NTRK2: variants seen among roughly 807,000 people sequenced by gnomAD.
NTRK2 encodes BDNF/NT-3 growth factors receptor.
A neutral mutation model predicts 94.5 loss-of-function variants in NTRK2; 13 were observed. That is an observed-to-expected ratio of 0.14 (90% CI 0.09 to 0.22). NTRK2 has a LOEUF of 0.22. NTRK2 is among the 10% of genes least tolerant of loss of function. The probability of loss-of-function intolerance (pLI) is 1.00; values close to 1 mark genes in which losing one functional copy is unlikely to be tolerated. For missense variants in NTRK2, 639 were observed against 1,071.2 expected (o/e 0.60, Z 5.63); for synonymous variants, 372 against 407.4 (o/e 0.91, Z 1.05).
intron 17 of NTRK2, among the ~76,000 whole-genome samples, chr9:84,989,108 A>G (rs1177942698): frequency 6.6e-6 from 1 of 152,192 alleles, no homozygotes; most frequent in Non-Finnish European, 1.5e-5. Context: ...CAAATCACCA[A>G]ACCTCAAGAA....
At chr9:84,861,432 T>G (rs1265873042) in intron 13 of NTRK2, among the ~76,000 whole-genome samples, 1 of 152,218 alleles carries the variant, frequency 6.6e-6, no homozygotes, top group African/African-American at 2.4e-5. Flanking sequence ...GCTGACTGAA[T>G]AGTCAAGCTG....
rs142208864 is a variant in NTRK2, at chr9:84,690,211, C to A, written c.213-11948C>A. Among the ~76,000 whole-genome samples, 1,347 of 152,260 alleles carry A rather than the reference C, an allele frequency of 8.8e-3. 22 individuals carry two copies. Among genetic ancestry groups the A allele is most frequent in the East Asian group, 0.048 (251 of 5,184 alleles). Reference sequence around the variant, plus strand: ...AAAATTGTGCCAATATCAAAACAGACCTTCATAGAGATCCTAAAATTTTAC... The same window carrying A: ...AAAATTGTGCCAATATCAAAACAGAACTTCATAGAGATCCTAAAATTTTAC... On this transcript the variant is annotated intron_variant, in intron 2 of 18. Transcript: ENST00000277120.
chr9:84,825,336 C>T (rs1050429678), intron 12 of NTRK2, among the ~76,000 whole-genome samples: 3 of 152,104 alleles, frequency 2.0e-5, no homozygotes, highest in Non-Finnish European at 4.4e-5. Context: ...AGGCAACTTG[C>T]GCAGCTGAGT....
chr9:84,766,184 C>T (rs1338114502), intron 12 of NTRK2, among the ~76,000 whole-genome samples: 4 of 152,058 alleles, frequency 2.6e-5, no homozygotes, highest in African/African-American at 2.4e-5. Flanking sequence ...TGCTCTGCTA[C>T]GATGACACTG....
chr9:84,983,776 G>A (rs571975852), intron 17 of NTRK2, among the ~76,000 whole-genome samples: 2 of 152,158 alleles, frequency 1.3e-5, no homozygotes, highest in East Asian at 1.9e-4. Flanking sequence ...ATGGAGGGAC[G>A]CGATAGCTTT....
chr9:84,747,041 G>A (rs1342090155), intron 11 of NTRK2, among the ~76,000 whole-genome samples: 1 of 152,080 alleles, frequency 6.6e-6, no homozygotes, highest in Admixed American at 6.5e-5. Flanking sequence ...AACAGTATAG[G>A]GCAGAGGAAT....
At chr9:84,707,995 T>C (rs1243512052) in intron 5 of NTRK2, 83 bp downstream of exon 5, 4 of 1,063,616 alleles carry the variant, frequency 3.8e-6, no homozygotes, top group African/African-American at 3.1e-5. Flanking sequence ...ATGAGTGATG[T>C]TGCAGATCTA....
chr9:84,845,219 C>T (rs1011416189), intron 12 of NTRK2, among the ~76,000 whole-genome samples: 2 of 151,212 alleles, frequency 1.3e-5, no homozygotes, highest in Admixed American at 1.3e-4. Flanking sequence ...TGCCCATTGA[C>T]CAATGAGTGG....
In NTRK2 at chr9:84,879,729, A is replaced by G. The variant is rs78198588; in HGVS notation, c.1633+12298A>G. Among the ~76,000 whole-genome samples the G allele has an allele frequency of 4.7e-3, 711 of 152,286 alleles. 13 individuals carry two copies. The highest frequency in any genetic ancestry group is 0.038 in the Admixed American group (577 of 15,286). Reference sequence around the variant, plus strand: ...AGCCCAGTGCTGCTCATCCTTTCCAAATTAATACCCAGCAATTTTCTAACT... The same window carrying G: ...AGCCCAGTGCTGCTCATCCTTTCCAGATTAATACCCAGCAATTTTCTAACT... On this transcript the variant is annotated intron_variant, in intron 14 of 18. Coordinates refer to ENST00000277120, the MANE Select transcript of NTRK2 (RefSeq NM_006180.6).
intron 12 of NTRK2, among the ~76,000 whole-genome samples, chr9:84,763,353 C>G (rs2065758759): frequency 6.6e-6 from 1 of 151,904 alleles, no homozygotes; most frequent in Non-Finnish European, 1.5e-5. Flanking sequence ...TTTTTCCCCT[C>G]ACTGACTCTC....
intron 16 of NTRK2, among the ~76,000 whole-genome samples, chr9:84,951,962 G>A (rs1588028475): frequency 6.6e-6 from 1 of 152,090 alleles, no homozygotes; most frequent in South Asian, 2.1e-4. Flanking sequence ...AGTTAGGGTG[G>A]GAAATGAGGA....
chr9:84,819,299 A>G (rs2072627174), intron 12 of NTRK2, among the ~76,000 whole-genome samples: 1 of 152,236 alleles, frequency 6.6e-6, no homozygotes, highest in South Asian at 2.1e-4. Context: ...ATTCAGCCTC[A>G]AGTAAATTCA....
chr9:84,963,776 G>A (rs1825231859), intron 17 of NTRK2, among the ~76,000 whole-genome samples: 1 of 152,060 alleles, frequency 6.6e-6, no homozygotes, highest in Non-Finnish European at 1.5e-5. Context: ...CTGTTTCCAT[G>A]TTTTTGAATT....
intron 14 of NTRK2, among the ~76,000 whole-genome samples, chr9:84,883,429 G>T (rs1326299009): frequency 6.6e-6 from 1 of 152,166 alleles, no homozygotes; most frequent in African/African-American, 2.4e-5. Flanking sequence ...CACTCATGCG[G>T]GTTTAGGGCA....
chr9:84,702,183 A>G lies in NTRK2; in HGVS notation c.237A>G (p.Leu79=), dbSNP rs751296654. ...GTTTCATCGCAAACCAGAAAAGGTT[A>G]GAAATCATCAACGAAGATGATGTTG... ...TEIFIANQKR[L]EIINEDDVEA... The change falls in exon 3 of 19, where the codon TTA becomes TTG. Residue 79 remains leucine (L), a synonymous_variant. Coordinates refer to ENST00000277120, the MANE Select transcript of NTRK2 (RefSeq NM_006180.6). 2 of 1,614,114 alleles carry G rather than the reference A, an allele frequency of 1.2e-6. No homozygotes were observed. The highest frequency in any genetic ancestry group is 1.3e-5 in the African/African-American group (1 of 74,946).
At chr9:84,873,783 T>C in intron 14 of NTRK2, 1 of 1,056,172 alleles carries the variant, frequency 9.5e-7, no homozygotes, top group Non-Finnish European at 1.1e-6. Flanking sequence ...TTCTTTGTTA[T>C]CAAAAGAGAA....
At chr9:84,811,784 A>AT in intron 12 of NTRK2, 1 of 1,065,636 alleles carries the variant, frequency 9.4e-7, no homozygotes, top group Non-Finnish European at 1.1e-6. Context: ...GGATTTCTGC[A>AT]TCCCCCCTGA....
At chr9:84,718,385 T>G (rs1564117717) in intron 6 of NTRK2, among the ~76,000 whole-genome samples, 1 of 152,096 alleles carries the variant, frequency 6.6e-6, no homozygotes, top group Non-Finnish European at 1.5e-5. Context: ...ACAATAGAGT[T>G]GTGTGTATGA....
intron 2 of NTRK2, among the ~76,000 whole-genome samples, chr9:84,684,561 G>T (rs1023432469): frequency 3.9e-5 from 6 of 152,208 alleles, no homozygotes; most frequent in African/African-American, 1.2e-4. Flanking sequence ...AGTAAATATT[G>T]CCAAGTTGTT....
Sources: gnomAD v4.1 joint callset for allele counts (sites outside exome capture counted in the v4.1 genomes callset) on GRCh38, gnomAD v4.1.1 for gene constraint, MANE v1.5 for transcripts, NCBI Gene and HGNC (gene_info 2026-07-23, HGNC 2026-07-21) for gene names.